Variants in VWDE observed in about 807,000 individuals in gnomAD.
The protein encoded by VWDE is von Willebrand factor D and EGF domains, also known as von Willebrand factor D and EGF domain-containing protein.
A neutral mutation model predicts 178.4 loss-of-function variants in VWDE; 207 were observed. The observed-to-expected ratio is 1.16, with a 90% CI of 1.04 to 1.30. The LOEUF (loss-of-function observed/expected upper bound fraction) is 1.30, where lower values mean the gene tolerates loss of function less well. Ranked by LOEUF, VWDE falls within the 50% of genes most tolerant of loss-of-function variation. The pLI, the probability that VWDE is intolerant of heterozygous loss-of-function variation, is 0.00. For missense variants in VWDE, 2,287 were observed against 1,901.3 expected, an observed-to-expected ratio of 1.20 and a Z score of -3.77; for synonymous variants, 738 against 651.4, an observed-to-expected ratio of 1.13 and a Z score of -2.02.
chr7:12,337,371 A>G, intron 24 of VWDE, 99 bp from the exon 25 acceptor site: 1 of 995,708 alleles, frequency 1.0e-6, no homozygotes, highest in Non-Finnish European at 1.5e-6. Flanking sequence ...GACATAAGGC[A>G]GAGAAATGTG....
rs12533416 is a variant in VWDE at position 12,359,796 on chromosome 7, C to T, written c.3160-104G>A. 4,677 of 642,200 alleles carry T rather than the reference C, an allele frequency of 7.3e-3. 34 individuals are homozygous for T. The highest frequency in any genetic ancestry group is 0.033 in the Middle Eastern group (89 of 2,736). 39.8% of individuals were successfully genotyped at this position (642,200 alleles called of 1,614,324 possible). On this transcript the variant is annotated intron_variant, in intron 15 of 28. Transcript: ENST00000275358. ...TATGTATTGATGATTCCAACGAAAG[C>T]ACATACATCTATTTTGATACTTCAT...
At chr7:12,353,664 C>T (rs1170060328) in intron 18 of VWDE, among the ~76,000 whole-genome samples, 1 of 151,950 alleles carries the variant, frequency 6.6e-6, no homozygotes, top group African/African-American at 2.4e-5. Context: ...TTCTTCCCAC[C>T]TTCAGATTTA....
intron 27 of VWDE, 95 bp downstream of exon 27, chr7:12,336,046 T>A: frequency 9.2e-7 from 1 of 1,085,282 alleles, no homozygotes; most frequent in Non-Finnish European, 1.3e-6. Flanking sequence ...CTGGAGTTTT[T>A]TCCCCCTTAT....
chr7:12,342,997 T>C (rs1385752081), intron 22 of VWDE, 86 bp downstream of exon 22: 7 of 952,408 alleles, frequency 7.3e-6, no homozygotes, highest in South Asian at 6.4e-5. Context: ...TACGTAGAGT[T>C]TGGGTTCATT....
chr7:12,381,864 GACTGAAAAAA>G (rs1318545148), intron 4 of VWDE, among the ~76,000 whole-genome samples: 1 of 151,718 alleles, frequency 6.6e-6, no homozygotes, highest in African/African-American at 2.4e-5. Context: ...GAAGACAAAT[GACTGAAAAAA>G]ATAATTCATG....
chr7:12,376,638 A>T (rs1207429433), intron 7 of VWDE, among the ~76,000 whole-genome samples: 1 of 152,104 alleles, frequency 6.6e-6, no homozygotes, highest in Non-Finnish European at 1.5e-5. Flanking sequence ...AAACTATAGT[A>T]ATATTTGCAT....
Position 12,340,400 on chromosome 7 carries a change from A to T in VWDE, c.4288T>A (p.Cys1430Ser). 6.4e-7 allele frequency: 1 copy of T among 1,551,438 alleles called. No individual in the cohort carries two copies. The highest frequency in any genetic ancestry group is 8.7e-7 in the Non-Finnish European group (1 of 1,146,798). ...TTATTACACGAACCACCATTGAGGC[A>T]GACAGGGTCGCACAAAGCTAATAAA... ...TCSTALCDPV[C>S]LNGGSCNKPN... The change falls in exon 24 of 29, where the codon TGC (cysteine) becomes AGC (serine). Residue 1430 changes from cysteine (C) to serine (S), a missense_variant. By Grantham distance (112) the Cys-to-Ser change is moderately radical (BLOSUM62 -1). Transcript: ENST00000275358.
intron 3 of VWDE, among the ~76,000 whole-genome samples, chr7:12,387,476 A>G (rs1784158989): frequency 6.6e-6 from 1 of 152,070 alleles, no homozygotes; most frequent in Non-Finnish European, 1.5e-5. Flanking sequence ...ATACTGGTTT[A>G]AATTCCAAAG....
At chr7:12,377,941 G>C (rs760333121) in intron 6 of VWDE, 21 bp from the exon 7 acceptor site, 49 of 1,348,418 alleles carry the variant, frequency 3.6e-5, no homozygotes, top group African/African-American at 6.0e-5. Context: ...AAAATACGTA[G>C]AAAAATTATG....
At chr7:12,394,377 G>A (rs1025828388) in intron 1 of VWDE, among the ~76,000 whole-genome samples, 2 of 152,108 alleles carry the variant, frequency 1.3e-5, no homozygotes, top group Non-Finnish European at 1.5e-5. Flanking sequence ...ACAGGAAAAC[G>A]AATGGGATGG....
chr7:12,346,385 A>C (rs1781599622), intron 19 of VWDE, among the ~76,000 whole-genome samples: 1 of 152,132 alleles, frequency 6.6e-6, no homozygotes, highest in African/African-American at 2.4e-5. Flanking sequence ...AAGAGTGATA[A>C]ATATAAAATG....
At chr7:12,356,387 A>G (rs1351980682) in intron 17 of VWDE, 57 bp from the exon 18 acceptor site, 7 of 1,419,414 alleles carry the variant, frequency 4.9e-6, no homozygotes, top group African/African-American at 1.4e-5. Flanking sequence ...TCTTCAGTTT[A>G]TGCCCCAGAA....
At position 12,367,479 on chromosome 7, in the gene VWDE, T is replaced by A; in HGVS notation, c.2776A>T (p.Ile926Phe). The A allele has an allele frequency of 6.6e-7, 1 of 1,513,884 alleles. No individual in the cohort carries two copies. Among genetic ancestry groups the A allele is most frequent in the Non-Finnish European group, 8.8e-7 (1 of 1,131,062 alleles). 93.8% of individuals were successfully genotyped at this position (1,513,884 alleles called of 1,614,324 possible). The change falls in exon 13 of 29, where the codon ATT (isoleucine) becomes TTT (phenylalanine). Residue 926 changes from isoleucine to phenylalanine, a missense_variant. Ile to Phe is a conservative substitution (Grantham distance 21, BLOSUM62 0). Coordinates refer to ENST00000275358, the MANE Select transcript of VWDE (RefSeq NM_001135924.3). The part of the protein sequence containing the change: ...CSDSYDKAPE[I>F]TELGNAGFCD... ...AATCCAGCATTCCCAAGCTCTGTAA[T>A]TTCAGGAGCTTTGTCTTTGGAAAAA...
At chr7:12,376,266 A>C (rs1783522229) in intron 7 of VWDE, among the ~76,000 whole-genome samples, 1 of 152,036 alleles carries the variant, frequency 6.6e-6, no homozygotes. Flanking sequence ...AAGCCTGTGA[A>C]TAGCAGCATA....
chr7:12,383,427 TATATCAA>T, intron 4 of VWDE, 102 bp downstream of exon 4: 1 of 886,232 alleles, frequency 1.1e-6, no homozygotes, highest in Non-Finnish European at 1.7e-6. Flanking sequence ...AGACTTTGGT[TATATCAA>T]ATATCAATAT....
intron 16 of VWDE, 88 bp from the exon 17 acceptor site, chr7:12,357,603 T>G (rs764521993): frequency 5.7e-6 from 8 of 1,402,742 alleles, no homozygotes; most frequent in Non-Finnish European, 6.7e-6. Flanking sequence ...ATATGCATTT[T>G]GATAAAGACT....
chr7:12,385,427 G>C (rs181865668), intron 3 of VWDE, among the ~76,000 whole-genome samples: 5 of 152,256 alleles, frequency 3.3e-5, no homozygotes, highest in African/African-American at 1.2e-4. Flanking sequence ...TTCCAAATAA[G>C]CTCCTTAAAA....
intron 19 of VWDE, among the ~76,000 whole-genome samples, chr7:12,349,331 GA>G (rs987567426): frequency 1.9e-4 from 29 of 150,358 alleles, no homozygotes; most frequent in African/African-American, 5.8e-4. Context: ...TCATCTGGAA[GA>G]AAAAAAGTAT....
chr7:12,360,798 T>G (rs539264434), intron 15 of VWDE, among the ~76,000 whole-genome samples: 1 of 152,178 alleles, frequency 6.6e-6, no homozygotes. Context: ...TTTAACCAAA[T>G]GTATGTCACT....
Sources: gnomAD v4.1 joint callset for allele counts (sites outside exome capture counted in the v4.1 genomes callset) on GRCh38, gnomAD v4.1.1 for gene constraint, MANE v1.5 for transcripts, NCBI Gene and HGNC (gene_info 2026-07-23, HGNC 2026-07-21) for gene names.